Variants in BCKDHB observed in about 807,000 individuals in gnomAD.
The protein encoded by BCKDHB is 2-oxoisovalerate dehydrogenase subunit beta, mitochondrial.
BCKDHB carries 41 observed loss-of-function variants against 48.5 expected under a neutral mutation model. That is an observed-to-expected ratio of 0.85 (90% CI 0.66 to 1.10). The LOEUF (loss-of-function observed/expected upper bound fraction) is 1.10, where lower values mean the gene tolerates loss of function less well. BCKDHB is among the 50% of genes least tolerant of loss of function. The probability of loss-of-function intolerance (pLI) is 0.00; values close to 1 mark genes in which losing one functional copy is unlikely to be tolerated. For missense variants in BCKDHB, 496 were observed against 494.2 expected, an observed-to-expected ratio of 1.00 and a Z score of -0.03; for synonymous variants, 201 against 174.8, an observed-to-expected ratio of 1.15 and a Z score of -1.18.
chr6:80,379,703 G>T, the BCKDHB span, among the ~76,000 whole-genome samples: 6 of 151,870 alleles, frequency 4.0e-5, no homozygotes, highest in East Asian at 1.9e-4. Context: ...AACCCTAAAG[G>T]CTCCTCCAGA....
intron 8 of BCKDHB, among the ~76,000 whole-genome samples, chr6:80,240,397 G>A (rs1249272931): frequency 6.6e-6 from 1 of 152,016 alleles, no homozygotes; most frequent in East Asian, 1.9e-4. Flanking sequence ...CTTGTAAGTT[G>A]GATTCCTAGG....
the BCKDHB span, among the ~76,000 whole-genome samples, chr6:80,393,080 A>G: frequency 6.6e-6 from 1 of 151,970 alleles, no homozygotes; most frequent in South Asian, 2.1e-4. Flanking sequence ...GGTATTTAAT[A>G]TTTACATTAT....
intron 8 of BCKDHB, among the ~76,000 whole-genome samples, chr6:80,260,377 G>A (rs1382159692): frequency 6.6e-6 from 1 of 152,020 alleles, no homozygotes; most frequent in East Asian, 1.9e-4. Context: ...CTCCTATGAG[G>A]GACTACAAAT....
At chr6:80,151,335 A>G (rs564788461) in intron 3 of BCKDHB, among the ~76,000 whole-genome samples, 13 of 152,330 alleles carry the variant, frequency 8.5e-5, no homozygotes, top group South Asian at 8.3e-4. Context: ...TAGAGCTAGC[A>G]TAAGAAAAGT....
intron 3 of BCKDHB, among the ~76,000 whole-genome samples, chr6:80,130,255 A>C (rs73479918): frequency 0.072 from 10,949 of 152,220 alleles, 592 homozygotes; most frequent in South Asian, 0.24. Context: ...AGTTCACGTG[A>C]GGGCTGGCAG....
chr6:80,201,454 G>T (rs1441629768), intron 7 of BCKDHB, among the ~76,000 whole-genome samples: 1 of 152,086 alleles, frequency 6.6e-6, no homozygotes, highest in South Asian at 2.1e-4. Flanking sequence ...AAGGTGAGGT[G>T]TCTATATATA....
chr6:80,299,206 A>G lies in BCKDHB; in HGVS notation c.1038+25985A>G, dbSNP rs559543559. ...CACTCTGTCTTAGGAGAGACTCTTA[A>G]TTCCCCTAAATTGAGTCTTTAACCC... On this transcript the variant is annotated intron_variant, in intron 9 of 9. Coordinates refer to ENST00000320393, the MANE Select transcript of BCKDHB (RefSeq NM_183050.4). 5.3e-5 allele frequency among the ~76,000 whole-genome samples: 8 copies of G among 152,214 alleles called. No individual in the cohort carries two copies. The East Asian group carries it at 1.5e-3, about 29-fold the overall frequency.
intron 3 of BCKDHB, among the ~76,000 whole-genome samples, chr6:80,133,322 A>G (rs1018271619): frequency 5.9e-5 from 9 of 152,366 alleles, no homozygotes; most frequent in Middle Eastern, 3.4e-3. Context: ...CAATGCTATA[A>G]GAAAAGGAAG....
chr6:80,132,060 A>G (rs1770656304), intron 3 of BCKDHB, among the ~76,000 whole-genome samples: 1 of 151,934 alleles, frequency 6.6e-6, no homozygotes, highest in African/African-American at 2.4e-5. Flanking sequence ...TGAGCTTTTT[A>G]AAATTTTTAT....
At chr6:80,352,813 A>G in the BCKDHB span, among the ~76,000 whole-genome samples, 3 of 152,232 alleles carry the variant, frequency 2.0e-5, no homozygotes, top group African/African-American at 4.8e-5. Context: ...TCTCAGCCTG[A>G]AAGTTGAATG....
chr6:80,428,673 G>T, the BCKDHB span, among the ~76,000 whole-genome samples: 1 of 152,152 alleles, frequency 6.6e-6, no homozygotes, highest in Non-Finnish European at 1.5e-5. Context: ...GTCTTCTTTT[G>T]AGAAGTGTCT....
chr6:80,203,135 A>G lies in BCKDHB; in HGVS notation c.874A>G (p.Lys292Glu). 6.2e-7 allele frequency: 1 copy of G among 1,612,974 alleles called. No homozygotes were observed. Among genetic ancestry groups the G allele is most frequent in the Non-Finnish European group, 8.5e-7 (1 of 1,179,212 alleles). ...HVIREVASMA[K>E]EKLGVSCEVI... ...GATCCGAGAGGTAGCTTCCATGGCA[A>G]AAGAAAAGCTTGGAGTGTCTTGTGA... Residue 292 changes from lysine (K) to glutamate (E), a missense_variant, in exon 8 of 10, where the codon AAA becomes GAA. Transcript: ENST00000320393.
chr6:80,107,415 TTG>T (rs1410915449), intron 1 of BCKDHB, among the ~76,000 whole-genome samples: 8 of 91,852 alleles, frequency 8.7e-5, no homozygotes, highest in Middle Eastern at 5.4e-3. Context: ...CATACAGAAA[TTG>T]TGTGTATGTG....
intron 8 of BCKDHB, among the ~76,000 whole-genome samples, chr6:80,270,104 A>C (rs1297543175): frequency 6.6e-6 from 1 of 152,126 alleles, no homozygotes; most frequent in African/African-American, 2.4e-5. Context: ...AGTATAGAAA[A>C]GCAGTCTTCA....
intron 3 of BCKDHB, among the ~76,000 whole-genome samples, chr6:80,166,043 G>A (rs548106714): frequency 1.3e-4 from 20 of 152,230 alleles, no homozygotes; most frequent in African/African-American, 4.6e-4. Flanking sequence ...CTCATAGACT[G>A]GGGAGTCCTT....
chr6:80,318,976 G>T (rs1274559271), intron 9 of BCKDHB, among the ~76,000 whole-genome samples: 1 of 152,150 alleles, frequency 6.6e-6, no homozygotes, highest in Non-Finnish European at 1.5e-5. Context: ...TGACATATGT[G>T]TATATTTATA....
At chr6:80,320,771 T>C (rs1768676983) in intron 9 of BCKDHB, among the ~76,000 whole-genome samples, 1 of 152,206 alleles carries the variant, frequency 6.6e-6, no homozygotes, top group Non-Finnish European at 1.5e-5. Flanking sequence ...CAACATTTGG[T>C]TATGGTAGCG....
chr6:80,358,717 T>C, the BCKDHB span, among the ~76,000 whole-genome samples: 1 of 152,104 alleles, frequency 6.6e-6, no homozygotes, highest in African/African-American at 2.4e-5. Context: ...CCAGGGATCA[T>C]GGGAAGGGGA....
chr6:80,451,609 G>A, the BCKDHB span, among the ~76,000 whole-genome samples: 23 of 152,090 alleles, frequency 1.5e-4, no homozygotes, highest in African/African-American at 5.3e-4. Context: ...ATGGTGGCAG[G>A]TGCCTGTAAT....
Sources: allele counts gnomAD v4.1 joint callset (sites outside exome capture counted in the v4.1 genomes callset), GRCh38; gene constraint gnomAD v4.1.1; transcripts MANE v1.5; gene names NCBI Gene and HGNC (gene_info 2026-07-23, HGNC 2026-07-21).